Variants in CCSER1 observed in about 807,000 individuals in gnomAD.
CCSER1 encodes the protein coiled-coil serine rich protein 1, also known as serine-rich coiled-coil domain-containing protein 1.
In CCSER1, 41 loss-of-function variants were observed where a neutral mutation model predicts 82.0. The ratio of observed to expected loss-of-function variants is 0.50; its 90% CI spans 0.39 to 0.65. The LOEUF (loss-of-function observed/expected upper bound fraction) is 0.65, where lower values mean the gene tolerates loss of function less well. CCSER1 is among the 30% of genes least tolerant of loss of function. The probability of loss-of-function intolerance (pLI) is 0.00; values close to 1 mark genes in which losing one functional copy is unlikely to be tolerated. For missense variants in CCSER1, 1,119 were observed against 1,064.2 expected, an observed-to-expected ratio of 1.05 and a Z score of -0.72; for synonymous variants, 414 against 383.9, an observed-to-expected ratio of 1.08 and a Z score of -0.92.
chr4:90,579,673 C>T (rs1164650346), intron 5 of CCSER1, among the ~76,000 whole-genome samples: 2 of 147,352 alleles, frequency 1.4e-5, no homozygotes, highest in African/African-American at 5.1e-5. Context: ...TACCTGGGGG[C>T]AATTACTGGC....
chr4:91,451,011 A>T (rs1416381154), intron 10 of CCSER1, among the ~76,000 whole-genome samples: 1 of 152,048 alleles, frequency 6.6e-6, no homozygotes, highest in Non-Finnish European at 1.5e-5. Context: ...TTTGTTTCTC[A>T]CATTTCTGGA....
At chr4:90,224,495 T>C (rs1742759606) in intron 1 of CCSER1, among the ~76,000 whole-genome samples, 1 of 152,232 alleles carries the variant, frequency 6.6e-6, no homozygotes, top group Non-Finnish European at 1.5e-5. Context: ...AGTTTGTTCA[T>C]CACCTGTGTT....
At chr4:91,043,080 T>C (rs1346737387) in intron 9 of CCSER1, among the ~76,000 whole-genome samples, 1 of 151,228 alleles carries the variant, frequency 6.6e-6, no homozygotes, top group Admixed American at 6.6e-5. Context: ...GAAAGCAACA[T>C]GAAAACAAAA....
chr4:91,065,569 TG>T, intron 9 of CCSER1, among the ~76,000 whole-genome samples: 1 of 152,250 alleles, frequency 6.6e-6, no homozygotes, highest in South Asian at 2.1e-4. Context: ...GGAAATAATG[TG>T]GTAACACTTG....
chr4:91,570,395 G>A (rs1763117390), intron 10 of CCSER1, among the ~76,000 whole-genome samples: 1 of 152,192 alleles, frequency 6.6e-6, no homozygotes, highest in African/African-American at 2.4e-5. Context: ...CTTCTGCACT[G>A]CCCTAGCAGA....
chr4:91,545,717 TC>T (rs1761856449), intron 10 of CCSER1, among the ~76,000 whole-genome samples: 2 of 152,142 alleles, frequency 1.3e-5, no homozygotes, highest in African/African-American at 4.8e-5. Context: ...CCGTAGATAA[TC>T]ATGTTATCTG....
intron 5 of CCSER1, among the ~76,000 whole-genome samples, chr4:90,490,149 G>A (rs1015554245): frequency 2.6e-5 from 4 of 152,254 alleles, no homozygotes; most frequent in African/African-American, 9.6e-5. Context: ...CAGTGTCAAA[G>A]TGTTCCTATT....
chr4:91,022,547 A>G (rs1740092476), intron 9 of CCSER1, among the ~76,000 whole-genome samples: 1 of 152,266 alleles, frequency 6.6e-6, no homozygotes, highest in African/African-American at 2.4e-5. Context: ...GCTAGGTCAA[A>G]TGGTATTTCT....
intron 4 of CCSER1, among the ~76,000 whole-genome samples, chr4:90,419,520 C>G (rs960476287): frequency 6.6e-6 from 1 of 151,810 alleles, no homozygotes; most frequent in African/African-American, 2.4e-5. Context: ...ATGGCAGTTT[C>G]TTTTAACTGT....
intron 10 of CCSER1, among the ~76,000 whole-genome samples, chr4:91,534,572 T>C (rs1204341455): frequency 6.6e-6 from 1 of 152,020 alleles, no homozygotes. Flanking sequence ...AGTGAACTAA[T>C]ATTTGGAAAA....
chr4:90,612,988 G>T (rs956231233), intron 5 of CCSER1, among the ~76,000 whole-genome samples: 1 of 152,032 alleles, frequency 6.6e-6, no homozygotes, highest in African/African-American at 2.4e-5. Context: ...TGAATTCTGA[G>T]TATCCAGGGA....
chr4:90,266,610 C>T (rs1316045007), intron 1 of CCSER1, among the ~76,000 whole-genome samples: 8 of 152,110 alleles, frequency 5.3e-5, no homozygotes, highest in African/African-American at 1.7e-4. Flanking sequence ...CCACCCCTCC[C>T]CCATTCTCTG....
intron 10 of CCSER1, among the ~76,000 whole-genome samples, chr4:91,592,819 A>T (rs1764327506): frequency 6.6e-6 from 1 of 152,020 alleles, no homozygotes; most frequent in African/African-American, 2.4e-5. Flanking sequence ...CTTGTTGTAA[A>T]GCAATATTTT....
At chr4:91,174,028 T>C (rs1733046090) in intron 10 of CCSER1, among the ~76,000 whole-genome samples, 1 of 152,276 alleles carries the variant, frequency 6.6e-6, no homozygotes, top group African/African-American at 2.4e-5. Context: ...ATTAGAAGAA[T>C]AAACAAGACA....
intron 9 of CCSER1, among the ~76,000 whole-genome samples, chr4:90,942,147 A>T (rs1172965983): frequency 2.0e-5 from 3 of 151,968 alleles, no homozygotes; most frequent in Non-Finnish European, 4.4e-5. Context: ...ATGGGGTTTC[A>T]CCATGTTGCC....
chr4:90,450,036 A>C (rs74775029), intron 4 of CCSER1, among the ~76,000 whole-genome samples: 283 of 152,258 alleles, frequency 1.9e-3, no homozygotes, highest in African/African-American at 6.6e-3. Context: ...CCTTCTGAAG[A>C]GGTACATCTA....
intron 9 of CCSER1, among the ~76,000 whole-genome samples, chr4:90,925,662 T>C (rs1728967112): frequency 6.6e-6 from 1 of 152,174 alleles, no homozygotes; most frequent in African/African-American, 2.4e-5. Context: ...ATATTTCTTA[T>C]ATCAATGTCA....
chr4:90,729,400 T>G (rs1373926782), intron 7 of CCSER1, among the ~76,000 whole-genome samples: 1 of 152,218 alleles, frequency 6.6e-6, no homozygotes, highest in Non-Finnish European at 1.5e-5. Context: ...GCTATTTATT[T>G]TATACGCTTG....
intron 10 of CCSER1, among the ~76,000 whole-genome samples, chr4:91,420,485 A>G (rs553802975): frequency 6.2e-4 from 94 of 152,262 alleles, no homozygotes; most frequent in African/African-American, 2.2e-3. Context: ...GAAAATCACA[A>G]TGAGATATTA....
Sources: gnomAD v4.1 joint callset for allele counts (sites outside exome capture counted in the v4.1 genomes callset) on GRCh38, gnomAD v4.1.1 for gene constraint, MANE v1.5 for transcripts, NCBI Gene and HGNC (gene_info 2026-07-23, HGNC 2026-07-21) for gene names.